Variants in RALYL observed in about 807,000 individuals in gnomAD.
The protein encoded by RALYL is RALY RNA binding protein like, also known as RNA-binding Raly-like protein.
Under a neutral mutation model 35.1 loss-of-function variants are expected in RALYL, and 29 were observed. The observed-to-expected ratio is 0.83, with a 90% CI of 0.61 to 1.13. The LOEUF is 1.13. RALYL is among the 50% of genes most tolerant of loss of function. The probability of loss-of-function intolerance (pLI) is 0.00; values close to 1 mark genes in which losing one functional copy is unlikely to be tolerated. For missense variants in RALYL, 359 were observed against 360.4 expected (o/e 1.00, Z 0.03); for synonymous variants, 120 against 127.6 (o/e 0.94, Z 0.40).
At chr8:84,658,644 G>A (rs1293436585) in intron 2 of RALYL, among the ~76,000 whole-genome samples, 3 of 152,098 alleles carry the variant, frequency 2.0e-5, no homozygotes, top group Non-Finnish European at 4.4e-5. Context: ...ACAATCCAGA[G>A]CTGATGGTCT....
chr8:84,593,311 GTTC>G (rs1331130395), intron 2 of RALYL, among the ~76,000 whole-genome samples: 1 of 151,962 alleles, frequency 6.6e-6, no homozygotes, highest in East Asian at 1.9e-4. Flanking sequence ...TATTGTCTGT[GTTC>G]TTCTTAAGCC....
intron 1 of RALYL, among the ~76,000 whole-genome samples, chr8:84,433,686 C>T (rs1351489357): frequency 6.6e-6 from 1 of 151,924 alleles, no homozygotes; most frequent in Non-Finnish European, 1.5e-5. Context: ...CACCTTCCAC[C>T]ATGATTCTGA....
chr8:84,271,017 T>A (rs1210010943), intron 1 of RALYL, among the ~76,000 whole-genome samples: 1 of 152,010 alleles, frequency 6.6e-6, no homozygotes, highest in Non-Finnish European at 1.5e-5. Context: ...AAATTATGGA[T>A]TTTTTTAAGG....
chr8:84,523,476 T>C (rs1313575319), intron 1 of RALYL, among the ~76,000 whole-genome samples: 1 of 152,128 alleles, frequency 6.6e-6, no homozygotes, highest in Non-Finnish European at 1.5e-5. Flanking sequence ...ACCTGGGTGT[T>C]TTTTGATATT....
At chr8:84,626,857 G>C (rs1822837425) in intron 2 of RALYL, among the ~76,000 whole-genome samples, 1 of 152,138 alleles carries the variant, frequency 6.6e-6, no homozygotes, top group African/African-American at 2.4e-5. Flanking sequence ...TGTTTTAGAA[G>C]AGAGTAACAA....
chr8:84,606,953 T>C (rs780540342), intron 2 of RALYL, among the ~76,000 whole-genome samples: 1 of 152,082 alleles, frequency 6.6e-6, no homozygotes, highest in Non-Finnish European at 1.5e-5. Context: ...GTGAAAACTT[T>C]TTATGTAAAT....
chr8:84,808,083 A>G (rs1825079367), intron 4 of RALYL, among the ~76,000 whole-genome samples: 2 of 152,114 alleles, frequency 1.3e-5, no homozygotes, highest in African/African-American at 4.8e-5. Flanking sequence ...AATCTAGGCC[A>G]ATGTCTAGAA....
chr8:84,191,905 A>G (rs1000802689), intron 1 of RALYL, among the ~76,000 whole-genome samples: 1 of 152,226 alleles, frequency 6.6e-6, no homozygotes, highest in African/African-American at 2.4e-5. Flanking sequence ...GAAAATTACT[A>G]TTTGTAACTC....
In RALYL at chr8:84,658,324, A is replaced by G. The variant is rs917158881; in HGVS notation, c.257-116255A>G. Among the ~76,000 whole-genome samples, 4 of 152,182 alleles carry G rather than the reference A, an allele frequency of 2.6e-5. No individual in the cohort carries two copies. In the East Asian group the frequency reaches 7.7e-4, roughly 29 times the overall value. On this transcript the variant is annotated intron_variant, in intron 2 of 8. Transcript: ENST00000521268. ...TGTTTCTGGCTTCTGGATGGAGGTTACACTTCCTGGCCTCTCAGAATGGCT... is the reference window on the plus strand; with the variant it reads ...TGTTTCTGGCTTCTGGATGGAGGTTGCACTTCCTGGCCTCTCAGAATGGCT...
At chr8:84,239,286 C>G (rs1466238511) in intron 1 of RALYL, among the ~76,000 whole-genome samples, 1 of 152,278 alleles carries the variant, frequency 6.6e-6, no homozygotes, top group South Asian at 2.1e-4. Flanking sequence ...TAAAACATAA[C>G]TTGATAAATA....
At chr8:84,656,170 A>C (rs1829922529) in intron 2 of RALYL, among the ~76,000 whole-genome samples, 3 of 152,166 alleles carry the variant, frequency 2.0e-5, no homozygotes, top group Admixed American at 1.3e-4. Context: ...ATAAAAGTAC[A>C]AGACTGGTTT....
At chr8:84,236,175 A>G (rs1359690616) in intron 1 of RALYL, among the ~76,000 whole-genome samples, 1 of 152,174 alleles carries the variant, frequency 6.6e-6, no homozygotes, top group Non-Finnish European at 1.5e-5. Flanking sequence ...CAACGTATAT[A>G]TTACATTTTA....
chr8:84,539,827 AGTATACATATATATATATATATATAT>A (rs1292917774), intron 2 of RALYL, among the ~76,000 whole-genome samples: 1 of 38,504 alleles, frequency 2.6e-5, no homozygotes, highest in Admixed American at 3.7e-4. Flanking sequence ...TAAGTGATCA[AGTATACATATATATATATATATATAT>A]GTATATATAT....
chr8:84,484,589 A>G (rs2054404926), intron 1 of RALYL, among the ~76,000 whole-genome samples: 1 of 152,096 alleles, frequency 6.6e-6, no homozygotes, highest in South Asian at 2.1e-4. Context: ...AAACATGAGT[A>G]ATGAACAGAA....
At chr8:84,745,465 G>A (rs756001626) in intron 2 of RALYL, among the ~76,000 whole-genome samples, 1 of 151,878 alleles carries the variant, frequency 6.6e-6, no homozygotes, top group Non-Finnish European at 1.5e-5. Flanking sequence ...TGATTTTTAG[G>A]CATACATATG....
chr8:84,423,606 T>C (rs1208523860), intron 1 of RALYL, among the ~76,000 whole-genome samples: 4 of 152,094 alleles, frequency 2.6e-5, no homozygotes, highest in Admixed American at 2.6e-4. Flanking sequence ...TTATAGCTGG[T>C]GATTTTGCTC....
chr8:84,419,223 G>A (rs1047562406), intron 1 of RALYL, among the ~76,000 whole-genome samples: 19 of 152,212 alleles, frequency 1.2e-4, no homozygotes, highest in African/African-American at 2.9e-4. Flanking sequence ...AGGACTTTGC[G>A]TTGTGGCTCA....
At chr8:84,447,994 G>A (rs1288855824) in intron 1 of RALYL, among the ~76,000 whole-genome samples, 3 of 151,278 alleles carry the variant, frequency 2.0e-5, no homozygotes, top group Non-Finnish European at 4.4e-5. Context: ...GCGAGAGTGA[G>A]GAGAGAGAGA....
chr8:84,565,275 G>A (rs2061706326), intron 2 of RALYL, among the ~76,000 whole-genome samples: 1 of 151,440 alleles, frequency 6.6e-6, no homozygotes, highest in African/African-American at 2.4e-5. Context: ...TGTTTTCATA[G>A]CCATTTTCTC....
Sources: gnomAD v4.1 joint callset for allele counts (sites outside exome capture counted in the v4.1 genomes callset) on GRCh38, gnomAD v4.1.1 for gene constraint, MANE v1.5 for transcripts, NCBI Gene and HGNC (gene_info 2026-07-23, HGNC 2026-07-21) for gene names.